CASKIN1: variants seen among roughly 807,000 people sequenced by gnomAD.
CASKIN1 encodes CASK interacting protein 1.
A neutral mutation model predicts 117.5 loss-of-function variants in CASKIN1; 42 were observed. The observed-to-expected ratio is 0.36, with a 90% CI of 0.28 to 0.46. The LOEUF is 0.46. Among genes scored for constraint, CASKIN1 ranks in the 20% least tolerant of loss-of-function variants. The pLI is 1.00. For missense variants in CASKIN1, 2,083 were observed against 2,077.3 expected, an observed-to-expected ratio of 1.00 and a Z score of -0.05; for synonymous variants, 1,148 against 961.7, an observed-to-expected ratio of 1.19 and a Z score of -3.59.
chr16:2,190,741 C>CG (rs1193336927), intron 1 of CASKIN1, among the ~76,000 whole-genome samples: 3 of 152,200 alleles, frequency 2.0e-5, no homozygotes, highest in African/African-American at 7.2e-5. Flanking sequence ...GGGAGAGAGC[C>CG]GGCCCAATCT....
intron 1 of CASKIN1, among the ~76,000 whole-genome samples, chr16:2,191,802 C>T (rs777759057): frequency 4.6e-5 from 7 of 152,224 alleles, no homozygotes; most frequent in Non-Finnish European, 8.8e-5. Context: ...ATAGCTTGTC[C>T]GTCAGCTCTG....
chr16:2,196,288 G>A lies in CASKIN1; in HGVS notation c.94+51C>T, dbSNP rs1390279551. The A allele has an allele frequency of 6.5e-5, 57 of 882,232 alleles. No homozygotes were observed. The highest frequency in any genetic ancestry group is 8.1e-5 in the Non-Finnish European group (57 of 700,590). The allele number at this position is 882,232 out of a possible 1,614,324, so 54.7% of individuals were successfully genotyped here. On this transcript the variant is annotated intron_variant, in intron 1 of 19. Transcript: ENST00000343516. This position sits in a 1 kb window ranked among gnomAD's most constrained non-coding sequence, Gnocchi z 5.7. ...GGCGCCGGGTGGGGGGCTCCGCGCC[G>A]GGGAGGGGCCCCCGGGGCTCCCACC...
rs370172146 is a variant in CASKIN1 at position 2,190,438 on chromosome 16, C to T, written c.95-80G>A. On this transcript the variant is annotated intron_variant, in intron 1 of 19. Coordinates refer to ENST00000343516, the MANE Select transcript of CASKIN1 (RefSeq NM_020764.4). ...CCTGAGGGCAGGGAGAGGGGGCCAG[C>T]CATCTCCCCGGCAGGCACAAAGCTG... 192 of 1,299,160 alleles carry T rather than the reference C, an allele frequency of 1.5e-4. No individual in the cohort carries two copies. The African/African-American group carries it at 2.4e-3, about 16-fold the overall frequency. The allele number at this position is 1,299,160 out of a possible 1,614,324, so 80.5% of individuals were successfully genotyped here. A position where few individuals can be genotyped will look rare whatever the true frequency, so the allele number is the denominator to read the frequency against.
At chr16:2,194,426 G>T (rs1260854517) in intron 1 of CASKIN1, among the ~76,000 whole-genome samples, 1 of 152,032 alleles carries the variant, frequency 6.6e-6, no homozygotes, top group African/African-American at 2.4e-5. Context: ...CTGAGCCTGG[G>T]GTGACTCTGG....
At position 2,180,464 on chromosome 16, in the gene CASKIN1, A is replaced by G. The variant is rs1383664526; in HGVS notation, c.2904T>C (p.Pro968=). Residue 968 remains proline, a synonymous_variant, in exon 18 of 20, where the codon CCT becomes CCC. Coordinates refer to ENST00000343516, the MANE Select transcript of CASKIN1 (RefSeq NM_020764.4). ...ASANLADEPV[P]DAEPEDGLLG... ...GCAGGCCATCCTCAGGCTCGGCGTC[A>G]GGCACCGGCTCATCCGCCAGGTTGG... 1.3e-6 allele frequency: 2 copies of G among 1,554,404 alleles called. No homozygotes were observed. The highest frequency in any genetic ancestry group is 2.4e-5 in the East Asian group (1 of 41,808).
Position 2,179,407 on chromosome 16 carries a change from C to CTTGGG in CASKIN1, c.3776-83_3776-82insCCCAA. The CTTGGG allele has an allele frequency of 7.6e-7, 1 of 1,319,042 alleles. No individual in the cohort carries two copies. The highest frequency in any genetic ancestry group is 2.4e-5 in the South Asian group (1 of 42,450). 81.7% of individuals were successfully genotyped at this position (1,319,042 alleles called of 1,614,324 possible). Reference sequence around the variant, plus strand: ...TGCCCCAGCCTCCCGCGGCTTCCTCCCCAGCGGACCGGGAAAGACCCTGCT... The same window carrying CTTGGG: ...TGCCCCAGCCTCCCGCGGCTTCCTCCTTGGGCCAGCGGACCGGGAAAGACCCTGCT... On this transcript the variant is annotated intron_variant, in intron 18 of 19. Transcript: ENST00000343516. The surrounding 1 kb of genome is among the most constrained non-coding windows in gnomAD (Gnocchi z 5.8).
chr16:2,190,297 C>T lies in CASKIN1; in HGVS notation c.146+10G>A. ...CCTTCCAGGCAGGCACCACCCGGCT[C>T]AGAACTCACCCATCCGGGTCCTGGA... On this transcript the variant is annotated intron_variant, in intron 2 of 19. Coordinates refer to ENST00000343516, the MANE Select transcript of CASKIN1 (RefSeq NM_020764.4). The T allele has an allele frequency of 1.3e-6, 2 of 1,576,478 alleles. No homozygotes were observed. Among genetic ancestry groups the T allele is most frequent in the Non-Finnish European group, 1.7e-6 (2 of 1,160,462 alleles).
chr16:2,195,955 C>G (rs1284975104), intron 1 of CASKIN1, among the ~76,000 whole-genome samples: 1 of 150,528 alleles, frequency 6.6e-6, no homozygotes, highest in African/African-American at 2.5e-5. Context: ...TCCCTGTCTT[C>G]CCGGTGCGTG....
chr16:2,183,572 AG>A, intron 16 of CASKIN1, 73 bp downstream of exon 16: 2 of 1,459,650 alleles, frequency 1.4e-6, no homozygotes, highest in South Asian at 2.4e-5. Flanking sequence ...AGTTGTGGCC[AG>A]GGAGGCAGGT....
At position 2,180,738 on chromosome 16, in the gene CASKIN1, T is replaced by C. The variant is rs1452803758; in HGVS notation, c.2630A>G (p.Lys877Arg). 3 of 1,444,924 alleles carry C rather than the reference T, an allele frequency of 2.1e-6. No homozygotes were observed. In the South Asian group the frequency reaches 4.3e-5, roughly 21 times the overall value. The allele number at this position is 1,444,924 out of a possible 1,614,324, so 89.5% of individuals were successfully genotyped here. The part of the protein sequence containing the change: ...PEADAEPGRP[K>R]KRAHSLNRYA... ...GCGATTCAGGCTGTGGGCCCGCTTC[T>C]TGGGCCGCCCCGGCTCCGCGTCGGC... Residue 877 changes from lysine (K) to arginine (R), a missense_variant, in exon 18 of 20, where the codon AAG (lysine) becomes AGG (arginine). Physicochemically the swap from Lys to Arg is conservative, Grantham distance 26. Coordinates refer to ENST00000343516, the MANE Select transcript of CASKIN1 (RefSeq NM_020764.4).
chr16:2,192,410 G>A (rs1409237939), intron 1 of CASKIN1, among the ~76,000 whole-genome samples: 1 of 152,062 alleles, frequency 6.6e-6, no homozygotes, highest in Non-Finnish European at 1.5e-5. Flanking sequence ...AACGGACAGT[G>A]GCTGTGCTAG....
rs1016166343 is a variant in CASKIN1, at chr16:2,177,541, G to A, written c.*1009C>T. ...GAGGAGAGAGGAAAAGGGAGGGCGA[G>A]AATGACCACACAACACAGCCTTGGA... On this transcript the variant is annotated 3_prime_UTR_variant, in exon 20 of 20. Transcript: ENST00000343516. 1.3e-5 allele frequency: 3 copies of A among 234,316 alleles called. No homozygotes were observed. The highest frequency in any genetic ancestry group is 1.7e-5 in the Non-Finnish European group (2 of 118,802). The allele number at this position is 234,316 out of a possible 1,614,324, so 14.5% of individuals were successfully genotyped here.
At position 2,194,231 on chromosome 16, in the gene CASKIN1, C is replaced by G. The variant is rs114431680; in HGVS notation, c.94+2108G>C. Among the ~76,000 whole-genome samples the G allele has an allele frequency of 1.4e-3, 211 of 152,258 alleles. 1 individual carries two copies. Among genetic ancestry groups the G allele is most frequent in the African/African-American group, 4.9e-3 (204 of 41,562 alleles). On this transcript the variant is annotated intron_variant, in intron 1 of 19. Coordinates refer to ENST00000343516, the MANE Select transcript of CASKIN1 (RefSeq NM_020764.4). The stretch of plus-strand genomic sequence containing the variant: ...GCATTCTTGGGCCTGCCTCCATGGA[C>G]AGGGGGCCTCCATGGATAGGGTCCG...
rs115022524 is a variant in CASKIN1, at chr16:2,177,871, C to G, written c.*679G>C. 5.1e-3 allele frequency: 1,477 copies of G among 288,618 alleles called. 22 individuals carry two copies. The highest frequency in any genetic ancestry group is 0.03 in the African/African-American group (1,356 of 45,402). 17.9% of individuals were successfully genotyped at this position (288,618 alleles called of 1,614,324 possible). ...GAGCCCCCGGCAGAGCACCCGCCCCCGGGCCCCAGCCTTCCACCTGTGCTA... is the reference window on the plus strand; with the variant it reads ...GAGCCCCCGGCAGAGCACCCGCCCCGGGGCCCCAGCCTTCCACCTGTGCTA... On this transcript the variant is annotated 3_prime_UTR_variant, in exon 20 of 20. Transcript: ENST00000343516.
chr16:2,179,880 G>A lies in CASKIN1; in HGVS notation c.3488C>T (p.Pro1163Leu). Residue 1163 changes from proline to leucine, a missense_variant, in exon 18 of 20, where the codon CCA (proline) becomes CTA (leucine). By Grantham distance (98) the Pro-to-Leu change is moderately conservative (BLOSUM62 -3). This residue lies in a region of CASKIN1 where 1,818 missense variants were observed against 1,688.9 expected (regional missense o/e 1.08). Transcript: ENST00000343516. The surrounding 1 kb of genome is among the most constrained non-coding windows in gnomAD (Gnocchi z 5.8). Reference protein sequence around the residue: ...KAKEREAGPEPPPPLSVYHNG... With the variant: ...KAKEREAGPELPPPLSVYHNG... Reference sequence around the variant, plus strand: ...ATGGTACACGGACAGTGGCGGTGGTGGCTCAGGCCCGGCCTCCCGCTCCTT... The same window carrying A: ...ATGGTACACGGACAGTGGCGGTGGTAGCTCAGGCCCGGCCTCCCGCTCCTT... 1.2e-6 allele frequency: 2 copies of A among 1,605,498 alleles called. No homozygotes were observed. The highest frequency in any genetic ancestry group is 2.2e-5 in the South Asian group (2 of 90,292).
intron 12 of CASKIN1, 33 bp downstream of exon 12, chr16:2,185,077 TG>T: frequency 6.2e-7 from 1 of 1,607,330 alleles, no homozygotes; most frequent in South Asian, 1.1e-5. Flanking sequence ...CTCCCAGCCC[TG>T]GCCACCCTGG....
intron 16 of CASKIN1, 46 bp from the exon 17 acceptor site, chr16:2,181,975 A>G (rs1265595293): frequency 6.2e-7 from 1 of 1,605,784 alleles, no homozygotes; most frequent in Non-Finnish European, 8.5e-7. Context: ...GGCTGCCCGC[A>G]CCCTGCCCAT....
Position 2,178,569 on chromosome 16 carries a change from A to G in CASKIN1, c.4277T>C (p.Leu1426Pro). The change falls in exon 20 of 20, where the codon CTG (leucine) becomes CCG (proline). Residue 1426 changes from leucine to proline, a missense_variant. Physicochemically the swap from Leu to Pro is moderately conservative, Grantham distance 98. Transcript: ENST00000343516. ...GSMFDDLADQ[L>P]DAMLE is the part of the protein sequence containing the mutation. ...CGGCGTTCACTCCAGCATGGCATCC[A>G]GCTGGTCGGCCAGGTCGTCGAACAT... 1 of 1,595,542 alleles carries G rather than the reference A, an allele frequency of 6.3e-7. No homozygotes were observed. Among genetic ancestry groups the G allele is most frequent in the Non-Finnish European group, 8.5e-7 (1 of 1,175,690 alleles).
intron 19 of CASKIN1, 86 bp from the exon 20 acceptor site, chr16:2,178,732 C>G (rs2093154168): frequency 7.3e-7 from 1 of 1,367,400 alleles, no homozygotes; most frequent in Admixed American, 2.8e-5. Context: ...CGTCCCGCAT[C>G]TCCGTCGGCT....
Sources: gnomAD v4.1 joint callset for allele counts (sites outside exome capture counted in the v4.1 genomes callset) on GRCh38, gnomAD v4.1.1 for gene constraint, gnomAD v4.1.1 regional missense constraint, Gnocchi (gnomAD v3.1) non-coding constraint, MANE v1.5 for transcripts, NCBI Gene and HGNC (gene_info 2026-07-23, HGNC 2026-07-21) for gene names.